SH3D21: variants seen among roughly 807,000 people sequenced by gnomAD.
SH3D21 encodes SH3 domain-containing protein 21.
In SH3D21, 83 loss-of-function variants were observed where a neutral mutation model predicts 82.1. The observed-to-expected ratio is 1.01, with a 90% CI of 0.85 to 1.21. The LOEUF is 1.21. SH3D21 is among the 50% of genes most tolerant of loss of function. SH3D21 has a pLI of 0.00. For synonymous variants in SH3D21, 383 were observed against 387.8 expected (o/e 0.99, Z 0.15); for missense variants, 980 against 962.1 (o/e 1.02, Z -0.25).
downstream of SH3D21, chr1:36,327,962 T>A: frequency 1.1e-6 from 1 of 914,144 alleles, no homozygotes; most frequent in South Asian, 1.4e-5. Flanking sequence ...TCTGCACGTG[T>A]GTCACCTGCT....
downstream of SH3D21, chr1:36,322,939 C>T (rs1229147761): frequency 1.2e-6 from 2 of 1,606,250 alleles, no homozygotes; most frequent in Admixed American, 3.4e-5. Context: ...GGGAAGGGTT[C>T]AGGCCCCCAG....
chr1:36,319,373 G>A (rs538322310), intron 12 of SH3D21, 61 bp downstream of exon 12: 35 of 1,550,666 alleles, frequency 2.3e-5, no homozygotes, highest in Admixed American at 5.9e-5. Context: ...GTGGCTGTGC[G>A]GAGGGACAGA....
At chr1:36,314,518 T>TGC (rs1646305942) in intron 10 of SH3D21, among the ~76,000 whole-genome samples, 1 of 150,796 alleles carries the variant, frequency 6.6e-6, no homozygotes. Flanking sequence ...TGCAGTGGCA[T>TGC]GATCTCAGCT....
intron 10 of SH3D21, among the ~76,000 whole-genome samples, chr1:36,316,125 G>A (rs1452540917): frequency 1.3e-5 from 2 of 152,206 alleles, no homozygotes; most frequent in African/African-American, 4.8e-5. Flanking sequence ...CCTCTAGCGT[G>A]TTTTATGACC....
chr1:36,322,535 C>G, downstream of SH3D21: 1 of 1,600,522 alleles, frequency 6.2e-7, no homozygotes, highest in South Asian at 1.1e-5. Context: ...CCAGCCGAGT[C>G]ACCGTGTCCT....
chr1:36,327,613 G>T (rs1646558202), downstream of SH3D21: 2 of 1,156,316 alleles, frequency 1.7e-6, no homozygotes, highest in South Asian at 3.2e-5. Flanking sequence ...GTTTGGAGTG[G>T]GTCAGGTATG....
chr1:36,320,049 A>G lies in SH3D21; in HGVS notation c.1386A>G (p.Pro462=). The G allele has an allele frequency of 2.5e-6, 4 of 1,613,980 alleles. No homozygotes were observed. The South Asian group carries it at 4.4e-5, about 18-fold the overall frequency. The change falls in exon 14 of 16, where the codon CCA becomes CCG. Residue 462 remains proline, a synonymous_variant. Transcript: ENST00000453908. The stretch of plus-strand genomic sequence containing the variant: ...AAGAGTCCCCTGCCCTAGAAGCCCC[A>G]CCTATGGATAAAGTCCCTAATCCAA... ...SVEESPALEA[P]PMDKVPNPKM...
downstream of SH3D21, chr1:36,323,931 A>G (rs1401566949): frequency 6.6e-6 from 1 of 152,222 alleles, no homozygotes; most frequent in East Asian, 1.9e-4. Context: ...CATTATCCCC[A>G]CTTCGCAGAT....
At chr1:36,309,526 C>A in intron 9 of SH3D21, 22 bp from the exon 10 acceptor site, 2 of 1,551,268 alleles carry the variant, frequency 1.3e-6, no homozygotes, top group Non-Finnish European at 1.7e-6. Flanking sequence ...GGATGCTCAA[C>A]CTTTACTTCT....
At chr1:36,326,198 G>A (rs1043144421), downstream of SH3D21, among the ~76,000 whole-genome samples, 5 of 151,732 alleles carry the variant, frequency 3.3e-5, no homozygotes, top group African/African-American at 4.8e-5. Flanking sequence ...GCAGGGACTC[G>A]ATGGCCTTGT....
downstream of SH3D21, among the ~76,000 whole-genome samples, chr1:36,326,251 G>A (rs1646544045): frequency 8.4e-6 from 1 of 118,458 alleles, no homozygotes; most frequent in African/African-American, 3.0e-5. Flanking sequence ...TTTTTTTTGA[G>A]ACGGAGTTTC....
chr1:36,322,239 T>G, downstream of SH3D21: 2 of 1,436,034 alleles, frequency 1.4e-6, no homozygotes, highest in Non-Finnish European at 1.8e-6. Context: ...GGGGTAGCTC[T>G]GAGCTCATGT....
At chr1:36,319,367 C>A in intron 12 of SH3D21, 55 bp downstream of exon 12, 2 of 1,550,640 alleles carry the variant, frequency 1.3e-6, no homozygotes, top group Non-Finnish European at 1.7e-6. Flanking sequence ...GATGGGGTGG[C>A]TGTGCGGAGG....
At position 36,306,569 on chromosome 1, in the gene SH3D21, C is replaced by T; in HGVS notation, c.5-29C>T. ...GCTGCCCGGCTGGGCCTTTCTGAGC[C>T]GCACGCCGGCCCCGTCTTCCGCCCG... On this transcript the variant is annotated intron_variant, in intron 1 of 15. Transcript: ENST00000453908. The surrounding 1 kb of genome is among the most constrained non-coding windows in gnomAD (Gnocchi z 4.5). 7.7e-7 allele frequency: 1 copy of T among 1,302,548 alleles called. No homozygotes were observed. The highest frequency in any genetic ancestry group is 1.0e-6 in the Non-Finnish European group (1 of 988,354). The allele number at this position is 1,302,548 out of a possible 1,614,324, so 80.7% of individuals were successfully genotyped here. A position where few individuals can be genotyped will look rare whatever the true frequency, so the allele number is the denominator to read the frequency against.
intron 9 of SH3D21, among the ~76,000 whole-genome samples, chr1:36,308,693 T>C (rs1469667140): frequency 6.6e-6 from 1 of 152,162 alleles, no homozygotes; most frequent in African/African-American, 2.4e-5. Flanking sequence ...TGCATATACA[T>C]GAGATAGCTG....
downstream of SH3D21, chr1:36,322,739 G>T (rs1469511139): frequency 1.3e-6 from 2 of 1,545,490 alleles, no homozygotes; most frequent in African/African-American, 2.7e-5. Context: ...CGGGGCACAG[G>T]GCGGGGGTCA....
At chr1:36,316,764 T>C (rs1646351521) in intron 10 of SH3D21, among the ~76,000 whole-genome samples, 3 of 33,682 alleles carry the variant, frequency 8.9e-5, no homozygotes, top group Admixed American at 2.0e-4. Context: ...GTTCTCTCTC[T>C]TTTTTTTTTT....
chr1:36,326,218 T>TTTTC (rs202159246), downstream of SH3D21, among the ~76,000 whole-genome samples: 338 of 136,294 alleles, frequency 2.5e-3, 12 homozygotes, highest in Admixed American at 5.8e-3. Flanking sequence ...TTGATGAGCT[T>TTTTC]TTTCTTTCTT....
At chr1:36,322,940 A>G (rs377069767), downstream of SH3D21, 1 of 1,605,896 alleles carries the variant, frequency 6.2e-7, no homozygotes, top group Non-Finnish European at 8.5e-7. Flanking sequence ...GGAAGGGTTC[A>G]GGCCCCCAGT....
Sources: allele counts gnomAD v4.1 joint callset (sites outside exome capture counted in the v4.1 genomes callset), GRCh38; gene constraint gnomAD v4.1.1; non-coding constraint Gnocchi (gnomAD v3.1); transcripts MANE v1.5; gene names NCBI Gene and HGNC (gene_info 2026-07-23, HGNC 2026-07-21).